Variants in NCOR1 observed in about 807,000 individuals in gnomAD.
NCOR1 encodes the protein nuclear receptor corepressor 1.
Under a neutral mutation model 288.1 loss-of-function variants are expected in NCOR1, and 63 were observed. The ratio of observed to expected loss-of-function variants is 0.22; its 90% CI spans 0.18 to 0.27. The LOEUF is 0.27. Among genes scored for constraint, NCOR1 ranks in the 10% least tolerant of loss-of-function variants. NCOR1 has a pLI of 1.00. For missense variants in NCOR1, 2,397 were observed against 3,019.2 expected (o/e 0.79, Z 4.83); for synonymous variants, 1,007 against 1,065.9 (o/e 0.94, Z 1.08).
At chr17:16,098,740 T>C in intron 20 of NCOR1, 1 of 252,570 alleles carries the variant, frequency 4.0e-6, no homozygotes, top group Non-Finnish European at 7.4e-6. Context: ...AAAATTGAAA[T>C]GATACAAAGA....
rs572281677 is a variant in NCOR1 at position 16,152,857 on chromosome 17, G to A, written c.789+482C>T. Among the ~76,000 whole-genome samples, 4 of 152,216 alleles carry A rather than the reference G, an allele frequency of 2.6e-5. No individual in the cohort carries two copies. In the South Asian group the frequency reaches 6.2e-4, roughly 24 times the overall value. ...TAATGATTGCCATTCTAACTGGTATGAGATGGTATCTCATTGTGGCAAAAC... is the reference window on the plus strand; with the variant it reads ...TAATGATTGCCATTCTAACTGGTATAAGATGGTATCTCATTGTGGCAAAAC... On this transcript the variant is annotated intron_variant, in intron 7 of 45. Transcript: ENST00000268712.
At chr17:16,189,497 TAA>T (rs1014346328) in intron 2 of NCOR1, among the ~76,000 whole-genome samples, 5 of 151,998 alleles carry the variant, frequency 3.3e-5, no homozygotes, top group African/African-American at 7.2e-5. Context: ...AAATGAAAGC[TAA>T]GAGAGAACTG....
chr17:16,127,699 GTATA>G (rs749586567), intron 14 of NCOR1, among the ~76,000 whole-genome samples: 2 of 137,690 alleles, frequency 1.5e-5, no homozygotes, highest in African/African-American at 5.4e-5. Flanking sequence ...ATACATATAT[GTATA>G]TATGTGTGTG....
rs746536852 is a variant in NCOR1 at position 16,127,098 on chromosome 17, GGT to G, written c.1510-894_1510-893del. Among the ~76,000 whole-genome samples the G allele has an allele frequency of 1.8e-3, 200 of 109,672 alleles. 15 individuals are homozygous for G. The highest frequency in any genetic ancestry group is 5.5e-3 in the African/African-American group (168 of 30,816). The allele number at this position is 109,672 out of a possible 152,430, so 71.9% of individuals were successfully genotyped here. A position where few individuals can be genotyped will look rare whatever the true frequency, so the allele number is the denominator to read the frequency against. On this transcript the variant is annotated intron_variant, in intron 14 of 45. Coordinates refer to ENST00000268712, the MANE Select transcript of NCOR1 (RefSeq NM_006311.4). ...AATATACAAATCAAAGTTTATCATA[GGT>G]GTGTGTGTGTATATGTATATATCTG... is the stretch of plus-strand genomic sequence containing the variant.
chr17:16,129,262 C>T (rs1296590641), intron 14 of NCOR1, among the ~76,000 whole-genome samples: 1 of 152,170 alleles, frequency 6.6e-6, no homozygotes, highest in Non-Finnish European at 1.5e-5. Context: ...AAAGTCTTCT[C>T]TCCAACTACA....
At chr17:16,167,658 G>T (rs1298028734) in intron 4 of NCOR1, among the ~76,000 whole-genome samples, 1 of 151,686 alleles carries the variant, frequency 6.6e-6, no homozygotes, top group Non-Finnish European at 1.5e-5. Flanking sequence ...TCAGGAGTTC[G>T]AGACCAGCCT....
intron 26 of NCOR1, among the ~76,000 whole-genome samples, chr17:16,077,524 A>G (rs1398310700): frequency 6.7e-3 from 41 of 6,078 alleles, no homozygotes; most frequent in Admixed American, 7.9e-3. Flanking sequence ...GGAGGGGGGG[A>G]GGAGGGGGAG....
chr17:16,177,564 G>A (rs1418305793), intron 3 of NCOR1, among the ~76,000 whole-genome samples: 1 of 152,094 alleles, frequency 6.6e-6, no homozygotes, highest in Non-Finnish European at 1.5e-5. Flanking sequence ...GGAAGAATAG[G>A]TATGGCTTTC....
chr17:16,127,323 A>G (rs62641987), intron 14 of NCOR1, among the ~76,000 whole-genome samples: 1 of 95,064 alleles, frequency 1.1e-5, no homozygotes, highest in African/African-American at 3.7e-5. Flanking sequence ...GTATGTATAT[A>G]TGTATGTATA....
At chr17:16,211,100 A>G (rs574277561) in intron 1 of NCOR1, among the ~76,000 whole-genome samples, 2 of 152,266 alleles carry the variant, frequency 1.3e-5, no homozygotes, top group South Asian at 2.1e-4. Flanking sequence ...TGAACACTAT[A>G]ATAGATACGA....
chr17:16,203,125 T>C (rs1330987135), intron 1 of NCOR1, among the ~76,000 whole-genome samples: 1 of 152,020 alleles, frequency 6.6e-6, no homozygotes, highest in Non-Finnish European at 1.5e-5. Context: ...TACCTCTTGC[T>C]GCAAAAAAAC....
At chr17:16,095,518 G>A (rs1319106991) in intron 21 of NCOR1, among the ~76,000 whole-genome samples, 4 of 134,314 alleles carry the variant, frequency 3.0e-5, no homozygotes, top group Admixed American at 7.5e-5. Flanking sequence ...CCGGCCAGCC[G>A]CCCCATCCGG....
chr17:16,181,009 A>G (rs1186190886), intron 3 of NCOR1, among the ~76,000 whole-genome samples: 1 of 152,142 alleles, frequency 6.6e-6, no homozygotes, highest in African/African-American at 2.4e-5. Flanking sequence ...AAATACAAAA[A>G]GTAGCTGGGC....
chr17:16,092,066 A>C lies in NCOR1; in HGVS notation c.2821-8T>G. ...ACATGGGGTGCAGGATACCTATAGG[A>C]AGAAAATAAATCGAAATATGCAAAC... On this transcript the variant is annotated splice_polypyrimidine_tract_variant and splice_region_variant and intron_variant, in intron 21 of 45. Coordinates refer to ENST00000268712, the MANE Select transcript of NCOR1 (RefSeq NM_006311.4). 6.2e-7 allele frequency: 1 copy of C among 1,612,502 alleles called. No individual in the cohort carries two copies. Among genetic ancestry groups the C allele is most frequent in the Non-Finnish European group, 8.5e-7 (1 of 1,179,534 alleles).
At chr17:16,170,105 T>TTGTGTG (rs2082838424) in intron 4 of NCOR1, among the ~76,000 whole-genome samples, 1 of 76,426 alleles carries the variant, frequency 1.3e-5, no homozygotes, top group African/African-American at 5.2e-5. Flanking sequence ...CATATTTGCT[T>TTGTGTG]TCTGTGTGTG....
chr17:16,172,217 G>A (rs926853148), intron 3 of NCOR1, among the ~76,000 whole-genome samples: 13 of 152,048 alleles, frequency 8.5e-5, no homozygotes, highest in Non-Finnish European at 1.5e-4. Context: ...TTAGCTGGGC[G>A]TGGCAGTGGG....
rs116776984 is a variant in NCOR1, at chr17:16,054,136, A to G, written c.6392+3378T>C. ...GACAACCTAGGAAATACCTTTCAGG[A>G]CATAGGCAGGGACAAAGATTTCATA... On this transcript the variant is annotated intron_variant, in intron 40 of 45. Transcript: ENST00000268712. 1.0e-2 allele frequency among the ~76,000 whole-genome samples: 1,512 copies of G among 151,790 alleles called. 27 individuals carry two copies. The highest frequency in any genetic ancestry group is 0.034 in the African/African-American group (1,407 of 41,400).
intron 6 of NCOR1, among the ~76,000 whole-genome samples, chr17:16,158,404 C>T (rs2080173054): frequency 6.6e-6 from 1 of 152,150 alleles, no homozygotes; most frequent in African/African-American, 2.4e-5. Context: ...CATTAAACAT[C>T]ATTTATTAAG....
intron 19 of NCOR1, among the ~76,000 whole-genome samples, chr17:16,103,489 T>C (rs1286166291): frequency 6.6e-6 from 1 of 152,248 alleles, no homozygotes; most frequent in African/African-American, 2.4e-5. Context: ...ACTATTAGGA[T>C]AAAGTCCCAA....
Sources: gnomAD v4.1 joint callset for allele counts (sites outside exome capture counted in the v4.1 genomes callset) on GRCh38, gnomAD v4.1.1 for gene constraint, MANE v1.5 for transcripts, NCBI Gene and HGNC (gene_info 2026-07-23, HGNC 2026-07-21) for gene names.